IFT81: variants seen among roughly 807,000 people sequenced by gnomAD.
IFT81 encodes the protein intraflagellar transport protein 81 homolog.
Under a neutral mutation model 102.6 loss-of-function variants are expected in IFT81, and 72 were observed. That is an observed-to-expected ratio of 0.70 (90% CI 0.58 to 0.85). The LOEUF (loss-of-function observed/expected upper bound fraction) is 0.85. IFT81 is among the 40% of genes least tolerant of loss of function. IFT81 has a pLI of 0.00. For missense variants in IFT81, 723 were observed against 787.3 expected (o/e 0.92, Z 0.98); for synonymous variants, 237 against 242.7 (o/e 0.98, Z 0.22).
At position 110,190,678 on chromosome 12, in the gene IFT81, CATT is replaced by C. The variant is rs1199742921; in HGVS notation, c.1339-236_1339-234del. ...TTTAGGTTCTGTGCTGAGTACATAA[CATT>C]ATTATAAAGTCTACGATTAGAAATA... On this transcript the variant is annotated intron_variant, in intron 12 of 18. Coordinates refer to ENST00000242591, the MANE Select transcript of IFT81 (RefSeq NM_014055.4). Among the ~76,000 whole-genome samples, 5 of 152,200 alleles carry C rather than the reference CATT, an allele frequency of 3.3e-5. No homozygotes were observed. The East Asian group carries it at 7.7e-4, about 23-fold the overall frequency.
chr12:110,171,636 G>A (rs759443785), intron 11 of IFT81, among the ~76,000 whole-genome samples: 58 of 152,196 alleles, frequency 3.8e-4, no homozygotes, highest in Non-Finnish European at 7.6e-4. Flanking sequence ...ATTTATGTGG[G>A]ACTAGTTATG....
chr12:110,139,674 T>C (rs1453618829), intron 8 of IFT81, among the ~76,000 whole-genome samples: 2 of 151,432 alleles, frequency 1.3e-5, no homozygotes, highest in African/African-American at 4.9e-5. Flanking sequence ...CTTAGGAGGC[T>C]GAGGCAGGAG....
At chr12:110,178,557 T>C (rs1197299872) in intron 11 of IFT81, among the ~76,000 whole-genome samples, 1 of 150,988 alleles carries the variant, frequency 6.6e-6, no homozygotes, top group Non-Finnish European at 1.5e-5. Context: ...ATTTATAAAA[T>C]TATTTATTAA....
chr12:110,193,685 C>A (rs150172919), intron 14 of IFT81, among the ~76,000 whole-genome samples: 2 of 152,272 alleles, frequency 1.3e-5, no homozygotes, highest in African/African-American at 4.8e-5. Context: ...AGCAGGAATA[C>A]TTAAAAATAC....
At chr12:110,188,627 A>G (rs971200751) in intron 12 of IFT81, among the ~76,000 whole-genome samples, 1 of 151,730 alleles carries the variant, frequency 6.6e-6, no homozygotes, top group African/African-American at 2.4e-5. Flanking sequence ...CCATTCCACT[A>G]AAATGTCTTT....
At chr12:110,201,913 C>T (rs999777624) in intron 14 of IFT81, among the ~76,000 whole-genome samples, 1 of 152,172 alleles carries the variant, frequency 6.6e-6, no homozygotes, top group Non-Finnish European at 1.5e-5. Flanking sequence ...GTAACAATGC[C>T]TTCTTCTGGA....
chr12:110,216,012 G>A (rs1243427795), intron 18 of IFT81, among the ~76,000 whole-genome samples: 1 of 152,078 alleles, frequency 6.6e-6, no homozygotes, highest in Non-Finnish European at 1.5e-5. Flanking sequence ...CATAAATAGA[G>A]TATACACTGT....
At chr12:110,187,642 G>A (rs553851321) in intron 12 of IFT81, among the ~76,000 whole-genome samples, 2 of 152,056 alleles carry the variant, frequency 1.3e-5, no homozygotes, top group African/African-American at 2.4e-5. Context: ...TGAATGTTGG[G>A]TGTAAAGTGT....
intron 18 of IFT81, chr12:110,216,484 C>G (rs927657671): frequency 1.1e-5 from 5 of 452,560 alleles, no homozygotes; most frequent in Non-Finnish European, 2.2e-5. Flanking sequence ...TGTGAGTCAC[C>G]GTGCCCAGCC....
intron 4 of IFT81, among the ~76,000 whole-genome samples, chr12:110,129,599 G>A (rs1205568939): frequency 6.6e-6 from 1 of 152,130 alleles, no homozygotes; most frequent in Non-Finnish European, 1.5e-5. Flanking sequence ...TAGGCTTGCA[G>A]TCTCAAAGCA....
At chr12:110,202,795 G>C (rs564594053) in intron 14 of IFT81, among the ~76,000 whole-genome samples, 1 of 152,212 alleles carries the variant, frequency 6.6e-6, no homozygotes, top group East Asian at 1.9e-4. Context: ...CAAGGTACTT[G>C]TTCTCCCTGA....
intron 10 of IFT81, among the ~76,000 whole-genome samples, chr12:110,154,542 A>T (rs1254837122): frequency 6.6e-6 from 1 of 151,204 alleles, no homozygotes; most frequent in Non-Finnish European, 1.5e-5. Flanking sequence ...GAGATGGAAA[A>T]ATTGAACCCG....
At chr12:110,128,683 G>C (rs1017414517) in intron 3 of IFT81, among the ~76,000 whole-genome samples, 1 of 150,288 alleles carries the variant, frequency 6.7e-6, no homozygotes, top group African/African-American at 2.5e-5. Context: ...TCTAGTCCCA[G>C]CTACTTGGGA....
intron 4 of IFT81, among the ~76,000 whole-genome samples, chr12:110,132,153 T>G (rs1175914775): frequency 1.3e-5 from 2 of 152,176 alleles, no homozygotes; most frequent in African/African-American, 4.8e-5. Context: ...CGCTGTAAGT[T>G]AATAGATAAC....
intron 12 of IFT81, among the ~76,000 whole-genome samples, chr12:110,182,295 A>G (rs1170068484): frequency 2.0e-5 from 3 of 152,192 alleles, no homozygotes. Flanking sequence ...AATTTCTAGG[A>G]AAACTTATAG....
chr12:110,131,914 T>C (rs965261049), intron 4 of IFT81, among the ~76,000 whole-genome samples: 10 of 152,144 alleles, frequency 6.6e-5, no homozygotes, highest in African/African-American at 2.4e-4. Context: ...GCTTAAGTTA[T>C]GGGTGAGGGA....
intron 11 of IFT81, among the ~76,000 whole-genome samples, chr12:110,163,295 C>T (rs1435328640): frequency 2.0e-5 from 3 of 151,946 alleles, no homozygotes; most frequent in Non-Finnish European, 4.4e-5. Flanking sequence ...GGCTGGGGTG[C>T]AATGGCGGGA....
At chr12:110,179,719 C>T (rs1897207899) in intron 11 of IFT81, among the ~76,000 whole-genome samples, 3 of 97,514 alleles carry the variant, frequency 3.1e-5, no homozygotes, top group African/African-American at 7.4e-5. Flanking sequence ...AACCCTATCT[C>T]GAAATTATAT....
intron 4 of IFT81, among the ~76,000 whole-genome samples, chr12:110,130,103 G>A (rs1220818595): frequency 6.6e-6 from 1 of 152,014 alleles, no homozygotes; most frequent in Admixed American, 6.6e-5. Context: ...CATATATTTT[G>A]CTATTTGGGG....
Sources: allele counts gnomAD v4.1 joint callset (sites outside exome capture counted in the v4.1 genomes callset), GRCh38; gene constraint gnomAD v4.1.1; transcripts MANE v1.5; gene names NCBI Gene and HGNC (gene_info 2026-07-23, HGNC 2026-07-21).